KCNIP4: variants seen among roughly 807,000 people sequenced by gnomAD.
The protein encoded by KCNIP4 is potassium voltage-gated channel interacting protein 4.
A neutral mutation model predicts 34.0 loss-of-function variants in KCNIP4; 12 were observed. The observed-to-expected ratio is 0.35, with a 90% confidence interval of 0.23 to 0.57. The LOEUF (loss-of-function observed/expected upper bound fraction) is 0.57, where lower values mean the gene tolerates loss of function less well. Among genes scored for constraint, KCNIP4 ranks in the 20% least tolerant of loss-of-function variants. The pLI, the probability that KCNIP4 is intolerant of heterozygous loss-of-function variation, is 0.83. For missense variants in KCNIP4, 238 were observed against 311.7 expected, an observed-to-expected ratio of 0.76 and a Z score of 1.78; for synonymous variants, 124 against 102.2, an observed-to-expected ratio of 1.21 and a Z score of -1.29.
chr4:21,523,842 A>G (rs560281458), intron 1 of KCNIP4, among the ~76,000 whole-genome samples: 20 of 152,004 alleles, frequency 1.3e-4, no homozygotes, highest in Middle Eastern at 3.2e-3. Flanking sequence ...CAAAGTGCTA[A>G]GATTACAGGT....
chr4:21,882,547 G>A (rs1463155824), intron 1 of KCNIP4, among the ~76,000 whole-genome samples: 7 of 152,118 alleles, frequency 4.6e-5, no homozygotes, highest in Admixed American at 2.6e-4. Context: ...GTTGGGACAC[G>A]GAAACATAAG....
chr4:21,596,842 G>C (rs1742688248), intron 1 of KCNIP4, among the ~76,000 whole-genome samples: 1 of 152,010 alleles, frequency 6.6e-6, no homozygotes, highest in African/African-American at 2.4e-5. Flanking sequence ...AAAGGACCAA[G>C]ATATTTGTAA....
At chr4:20,825,444 A>G (rs935948364) in intron 3 of KCNIP4, among the ~76,000 whole-genome samples, 1 of 152,150 alleles carries the variant, frequency 6.6e-6, no homozygotes, top group Non-Finnish European at 1.5e-5. Context: ...GGCTGATTGA[A>G]TTTGAATGAC....
intron 1 of KCNIP4, among the ~76,000 whole-genome samples, chr4:21,422,698 T>A (rs1251271638): frequency 6.6e-6 from 1 of 151,806 alleles, no homozygotes; most frequent in Non-Finnish European, 1.5e-5. Context: ...TGTCTGCATA[T>A]GTGCTTGATT....
At chr4:21,427,669 C>A (rs565146163) in intron 1 of KCNIP4, among the ~76,000 whole-genome samples, 43 of 152,228 alleles carry the variant, frequency 2.8e-4, no homozygotes, top group Non-Finnish European at 5.7e-4. Context: ...TAAACTAAAT[C>A]CCCAGGATCC....
At chr4:20,999,456 T>A (rs999244370) in intron 1 of KCNIP4, among the ~76,000 whole-genome samples, 20 of 118,062 alleles carry the variant, frequency 1.7e-4, no homozygotes, top group African/African-American at 3.5e-4. Flanking sequence ...TTTTTTTTTT[T>A]ATCTTGAGAG....
chr4:21,190,830 A>G (rs1365270565), intron 1 of KCNIP4, among the ~76,000 whole-genome samples: 2 of 152,170 alleles, frequency 1.3e-5, no homozygotes, highest in African/African-American at 4.8e-5. Flanking sequence ...TTACATTTAG[A>G]TGGCGCAGCT....
chr4:20,847,272 G>A (rs1451538222), intron 3 of KCNIP4, among the ~76,000 whole-genome samples: 2 of 152,132 alleles, frequency 1.3e-5, no homozygotes, highest in Admixed American at 6.6e-5. Context: ...CTGCCCAAAT[G>A]AGTAACATGA....
chr4:20,827,137 T>C (rs1055845422), intron 3 of KCNIP4, among the ~76,000 whole-genome samples: 19 of 152,190 alleles, frequency 1.2e-4, no homozygotes, highest in Admixed American at 6.5e-4. Flanking sequence ...GTTCCCCTTC[T>C]TCTCTCTTAG....
chr4:21,352,594 A>T (rs1361289732), intron 1 of KCNIP4, among the ~76,000 whole-genome samples: 1 of 152,146 alleles, frequency 6.6e-6, no homozygotes. Flanking sequence ...ACCATTGCTG[A>T]GGCTTGAGCA....
chr4:21,781,635 CTT>C (rs1719579748), intron 1 of KCNIP4, among the ~76,000 whole-genome samples: 1 of 152,040 alleles, frequency 6.6e-6, no homozygotes, highest in Non-Finnish European at 1.5e-5. Flanking sequence ...ACAAAGGACT[CTT>C]TGGACATCAC....
intron 1 of KCNIP4, chr4:21,843,913 C>T (rs1723845326): frequency 6.6e-6 from 1 of 152,016 alleles, no homozygotes; most frequent in Non-Finnish European, 1.5e-5. Context: ...CTTGCACAAA[C>T]ATTCAAGAGG....
rs377234942 is a variant in KCNIP4, at chr4:21,201,455, C to A, written c.62-318746G>T. 3.3e-5 allele frequency among the ~76,000 whole-genome samples: 5 copies of A among 152,290 alleles called. 1 individual carries two copies. The highest frequency in any genetic ancestry group is 1.5e-5 in the Non-Finnish European group (1 of 68,020). On this transcript the variant is annotated intron_variant, in intron 1 of 8. Transcript: ENST00000382152. ...TGCTCACACATTTTCATTAATCATA[C>A]CATTGCAGGATACTATGAATTGTGA...
intron 1 of KCNIP4, among the ~76,000 whole-genome samples, chr4:21,383,164 C>A (rs995485554): frequency 1.1e-4 from 17 of 152,054 alleles, no homozygotes; most frequent in African/African-American, 4.1e-4. Context: ...AGTGAGGTAC[C>A]CAAAGAAACC....
chr4:20,937,644 C>A (rs937210852), intron 1 of KCNIP4, among the ~76,000 whole-genome samples: 2 of 152,116 alleles, frequency 1.3e-5, no homozygotes, highest in African/African-American at 4.8e-5. Context: ...AAAACTGTTT[C>A]TCATCACATA....
intron 1 of KCNIP4, among the ~76,000 whole-genome samples, chr4:21,780,680 A>T (rs1476978940): frequency 6.6e-6 from 1 of 152,228 alleles, no homozygotes; most frequent in Non-Finnish European, 1.5e-5. Context: ...AGACTGAAAG[A>T]TGCTTTGCTC....
chr4:21,411,150 G>C (rs1013379913), intron 1 of KCNIP4, among the ~76,000 whole-genome samples: 1 of 152,290 alleles, frequency 6.6e-6, no homozygotes, highest in Non-Finnish European at 1.5e-5. Flanking sequence ...AGGAAGAGAG[G>C]TTCGATTTTA....
intron 1 of KCNIP4, among the ~76,000 whole-genome samples, chr4:21,332,702 A>G (rs755512991): frequency 2.6e-4 from 39 of 151,918 alleles, no homozygotes; most frequent in Non-Finnish European, 4.9e-4. Flanking sequence ...AATGTATTAC[A>G]TCAGTGGAGA....
At chr4:21,923,688 C>T (rs1402209758) in intron 1 of KCNIP4, among the ~76,000 whole-genome samples, 1 of 152,136 alleles carries the variant, frequency 6.6e-6, no homozygotes, top group East Asian at 1.9e-4. Context: ...TCTTCCCCTC[C>T]AGCCACTCTA....
Sources: gnomAD v4.1 joint callset for allele counts (sites outside exome capture counted in the v4.1 genomes callset) on GRCh38, gnomAD v4.1.1 for gene constraint, MANE v1.5 for transcripts, NCBI Gene and HGNC (gene_info 2026-07-23, HGNC 2026-07-21) for gene names.